The following SYNE3 variants were observed in gnomAD, a reference collection of about 807,000 sequenced individuals.
SYNE3 encodes the protein spectrin repeat containing nuclear envelope family member 3.
SYNE3 carries 100 observed loss-of-function variants against 111.2 expected under a neutral mutation model. The ratio of observed to expected loss-of-function variants is 0.90; its 90% confidence interval spans 0.77 to 1.06. The LOEUF is 1.06. Ranked by LOEUF, SYNE3 falls within the 50% of genes least tolerant of loss-of-function variation. The pLI, the probability that SYNE3 is intolerant of heterozygous loss-of-function variation, is 0.00. For synonymous variants in SYNE3, 547 were observed against 533.9 expected, an observed-to-expected ratio of 1.02 and a Z score of -0.34; for missense variants, 1,160 against 1,240.3, an observed-to-expected ratio of 0.94 and a Z score of 0.97.
At chr14:95,466,451 G>A (rs1888183181) in intron 3 of SYNE3, among the ~76,000 whole-genome samples, 1 of 152,194 alleles carries the variant, frequency 6.6e-6, no homozygotes, top group African/African-American at 2.4e-5. Context: ...CCTCTGCCCA[G>A]TAAATAAGCT....
intron 17 of SYNE3, among the ~76,000 whole-genome samples, chr14:95,428,261 C>G (rs1313843990): frequency 2.0e-5 from 3 of 152,176 alleles, no homozygotes; most frequent in Non-Finnish European, 4.4e-5. Flanking sequence ...TCTCGGTTTA[C>G]ACAATCAGTG....
intron 14 of SYNE3, chr14:95,438,514 A>C (rs920236609): frequency 6.1e-6 from 1 of 164,770 alleles, no homozygotes; most frequent in East Asian, 1.5e-4. Flanking sequence ...TCTTGGAACA[A>C]AGTAGCACTC....
chr14:95,465,090 A>G (rs1379995238), intron 4 of SYNE3, among the ~76,000 whole-genome samples: 1 of 152,198 alleles, frequency 6.6e-6, no homozygotes, highest in African/African-American at 2.4e-5. Flanking sequence ...GGGGTGAGGA[A>G]ATGCAGACAG....
intron 1 of SYNE3, among the ~76,000 whole-genome samples, chr14:95,482,697 T>C (rs1404827878): frequency 6.6e-6 from 1 of 152,146 alleles, no homozygotes; most frequent in East Asian, 1.9e-4. Context: ...TGCTGAAAAG[T>C]GGTGGACCCA....
At chr14:95,514,500 C>T (rs536842987) in intron 1 of SYNE3, among the ~76,000 whole-genome samples, 38 of 152,364 alleles carry the variant, frequency 2.5e-4, no homozygotes, top group African/African-American at 7.7e-4. Context: ...GAGGCCCCTT[C>T]GCCTCAAACT....
intron 1 of SYNE3, among the ~76,000 whole-genome samples, chr14:95,495,090 C>A (rs531769414): frequency 6.8e-6 from 1 of 147,598 alleles, no homozygotes; most frequent in East Asian, 2.0e-4. Context: ...CCAGCCTGGG[C>A]AACAGAGCGA....
intron 17 of SYNE3, among the ~76,000 whole-genome samples, chr14:95,426,070 G>A (rs1885413151): frequency 6.6e-6 from 1 of 152,234 alleles, no homozygotes; most frequent in Non-Finnish European, 1.5e-5. Flanking sequence ...GGTGGAAGGT[G>A]AGTGACAGAA....
intron 1 of SYNE3, among the ~76,000 whole-genome samples, chr14:95,503,216 T>C (rs1023370070): frequency 2.0e-5 from 3 of 152,260 alleles, no homozygotes; most frequent in Non-Finnish European, 4.4e-5. Flanking sequence ...GCCTGAGACC[T>C]TGGAAATGCT....
chr14:95,426,960 A>AG (rs1210001743), intron 17 of SYNE3, among the ~76,000 whole-genome samples: 1 of 151,288 alleles, frequency 6.6e-6, no homozygotes, highest in Non-Finnish European at 1.5e-5. Context: ...AAAAAAAAAA[A>AG]AAGAATAGTT....
intron 2 of SYNE3, among the ~76,000 whole-genome samples, chr14:95,473,958 C>A (rs111532110): frequency 3.5e-5 from 4 of 113,262 alleles, no homozygotes; most frequent in Non-Finnish European, 5.5e-5. Flanking sequence ...TGTGAGCTTG[C>A]GAGGTGTGAC....
rs897198938 is a variant in SYNE3 at position 95,455,461 on chromosome 14, C to T, written c.1053G>A (p.Leu351=). ...EAELSEFRMV[L]QRLAQEGLQP... ...GCAGGCCCTCCTGGGCCAGCCTCTGCAGGACCATCCTGAACTCACTGAGCT... is the reference window on the plus strand; with the variant it reads ...GCAGGCCCTCCTGGGCCAGCCTCTGTAGGACCATCCTGAACTCACTGAGCT... The change falls in exon 6 of 18, where the codon CTG becomes CTA. Residue 351 remains leucine, a synonymous_variant. Transcript: ENST00000682763. The T allele has an allele frequency of 7.4e-6, 12 of 1,612,138 alleles. No individual in the cohort carries two copies. The highest frequency in any genetic ancestry group is 1.3e-5 in the African/African-American group (1 of 74,906).
intron 14 of SYNE3, 51 bp from the exon 15 acceptor site, chr14:95,437,032 C>T (rs1886126205): frequency 1.2e-6 from 2 of 1,610,182 alleles, no homozygotes; most frequent in Non-Finnish European, 1.7e-6. Flanking sequence ...GCCCCCCTGG[C>T]CATGTGTCCT....
At chr14:95,458,913 T>C (rs1256889195) in intron 4 of SYNE3, among the ~76,000 whole-genome samples, 1 of 152,254 alleles carries the variant, frequency 6.6e-6, no homozygotes. Context: ...CAAAGAGTTA[T>C]CTTATTTAAC....
chr14:95,505,746 C>T (rs63977), intron 1 of SYNE3, among the ~76,000 whole-genome samples: 53,162 of 151,624 alleles, frequency 0.35, 9,635 homozygotes, highest in Admixed American at 0.43. Flanking sequence ...TGCCATATAT[C>T]ATAAGATAAT....
chr14:95,426,422 C>T (rs1239380602), intron 17 of SYNE3, among the ~76,000 whole-genome samples: 11 of 152,088 alleles, frequency 7.2e-5, no homozygotes. Context: ...CCTATGTTGC[C>T]CCTCCCAACT....
Position 95,462,417 on chromosome 14 carries a change from C to T in SYNE3, c.627+3514G>A, listed in dbSNP as rs200858947. Among the ~76,000 whole-genome samples, 61 of 152,352 alleles carry T rather than the reference C, an allele frequency of 4.0e-4. 1 individual carries two copies. The East Asian group carries it at 0.011, about 27-fold the overall frequency. The stretch of plus-strand genomic sequence containing the variant: ...AAAGCCAAAACTGAATTCACTTCTC[C>T]ATGCAGGGTCCAGCCACCCCACAAA... On this transcript the variant is annotated intron_variant, in intron 4 of 17. Transcript: ENST00000682763.
At chr14:95,501,262 T>G (rs1276367159) in intron 1 of SYNE3, among the ~76,000 whole-genome samples, 2 of 152,236 alleles carry the variant, frequency 1.3e-5, no homozygotes, top group African/African-American at 2.4e-5. Flanking sequence ...TTTATTTATT[T>G]GCTTGCTTGT....
chr14:95,503,709 T>A (rs1180115770), intron 1 of SYNE3, among the ~76,000 whole-genome samples: 1 of 146,906 alleles, frequency 6.8e-6, no homozygotes, highest in Non-Finnish European at 1.5e-5. Context: ...GCCTCGACCT[T>A]CTGGGCTCAA....
At chr14:95,499,856 C>CTGTTTTTTTTTTTTTTTT (rs1890260154) in intron 1 of SYNE3, among the ~76,000 whole-genome samples, 1 of 90,062 alleles carries the variant, frequency 1.1e-5, no homozygotes, top group African/African-American at 4.7e-5. Flanking sequence ...TAACTCTTGT[C>CTGTTTTTTTTTTTTTTTT]TTTTTTTTTT....
Sources: gnomAD v4.1 joint callset for allele counts (sites outside exome capture counted in the v4.1 genomes callset) on GRCh38, gnomAD v4.1.1 for gene constraint, MANE v1.5 for transcripts, NCBI Gene and HGNC (gene_info 2026-07-23, HGNC 2026-07-21) for gene names.